Variants in KBTBD12 observed in about 807,000 individuals in gnomAD.
The protein encoded by KBTBD12 is kelch repeat and BTB domain-containing protein 12.
A neutral mutation model predicts 58.7 loss-of-function variants in KBTBD12; 53 were observed. The ratio of observed to expected loss-of-function variants is 0.90; its 90% CI spans 0.72 to 1.14. KBTBD12 has a LOEUF of 1.14. KBTBD12 is among the 50% of genes most tolerant of loss of function. The pLI, the probability that KBTBD12 is intolerant of heterozygous loss-of-function variation, is 0.00. For missense variants in KBTBD12, 704 were observed against 751.3 expected (o/e 0.94, Z 0.74); for synonymous variants, 236 against 259.8 (o/e 0.91, Z 0.88).
Position 127,923,205 on chromosome 3 carries a change from C to T in KBTBD12, c.144C>T (p.Val48=). ...AGAAATTTCCTTGCCACAGACTGGT[C>T]CTGGCTGCATTTAGCCCTTATTTCA... The part of the protein sequence containing the change: ...EGEKFPCHRL[V]LAAFSPYFKA... Residue 48 remains valine, a synonymous_variant, in exon 2 of 6, where the codon GTC becomes GTT. Transcript: ENST00000405109. The T allele has an allele frequency of 6.2e-7, 1 of 1,613,828 alleles. No homozygotes were observed. The highest frequency in any genetic ancestry group is 1.3e-5 in the African/African-American group (1 of 75,028).
Position 127,923,623 on chromosome 3 carries a change from A to G in KBTBD12, c.562A>G (p.Ile188Val). ...ACTTATTAAATCAGATGATCTTAAC[A>G]TATCCAGAGAAGAGAGCATTCTGGA... ...LTLIKSDDLN[I>V]SREESILDLV... The change falls in exon 2 of 6, where the codon ATA becomes GTA. Residue 188 changes from isoleucine (I) to valine (V), a missense_variant. By Grantham distance (29) the Ile-to-Val change is conservative. Coordinates refer to ENST00000405109, the MANE Select transcript of KBTBD12 (RefSeq NM_207335.4). The G allele has an allele frequency of 6.2e-7, 1 of 1,613,772 alleles. No homozygotes were observed. Among genetic ancestry groups the G allele is most frequent in the East Asian group, 2.2e-5 (1 of 44,874 alleles).
chr3:127,925,801 T>C (rs1939555521), intron 2 of KBTBD12, among the ~76,000 whole-genome samples: 1 of 152,214 alleles, frequency 6.6e-6, no homozygotes, highest in Non-Finnish European at 1.5e-5. Context: ...ATGTTCTGTG[T>C]AGTTAAAATC....
At chr3:127,968,617 T>C (rs956605078) in intron 5 of KBTBD12, among the ~76,000 whole-genome samples, 2 of 152,170 alleles carry the variant, frequency 1.3e-5, no homozygotes, top group African/African-American at 4.8e-5. Context: ...TGAAAATGAA[T>C]CAATGTGTGG....
chr3:127,948,656 G>T (rs530491370), intron 4 of KBTBD12, among the ~76,000 whole-genome samples: 16 of 152,170 alleles, frequency 1.1e-4, no homozygotes, highest in Non-Finnish European at 1.6e-4. Flanking sequence ...CCTCATGGTG[G>T]CAGTGAGAAT....
At chr3:127,983,623 T>C (rs13075235) in intron 5 of KBTBD12, among the ~76,000 whole-genome samples, 37,890 of 151,910 alleles carry the variant, frequency 0.25, 4,847 homozygotes, top group Admixed American at 0.31. Context: ...CATGGTGGCA[T>C]GTGCCTGTAA....
At chr3:127,949,721 G>T (rs1940164651) in intron 4 of KBTBD12, among the ~76,000 whole-genome samples, 1 of 152,208 alleles carries the variant, frequency 6.6e-6, no homozygotes, top group African/African-American at 2.4e-5. Flanking sequence ...CAGAATGGAT[G>T]AAATTTTGAA....
chr3:127,921,023 A>G (rs910424429), intron 1 of KBTBD12, among the ~76,000 whole-genome samples: 18 of 152,190 alleles, frequency 1.2e-4, no homozygotes, highest in African/African-American at 4.3e-4. Context: ...AGCTGTGTCT[A>G]TACCCACAGT....
intron 4 of KBTBD12, among the ~76,000 whole-genome samples, chr3:127,956,526 C>G (rs1940324265): frequency 6.6e-6 from 1 of 151,054 alleles, no homozygotes; most frequent in South Asian, 2.1e-4. Flanking sequence ...GAGTGGGTAT[C>G]CAAAATATAC....
At chr3:127,921,234 G>A (rs1009153212) in intron 1 of KBTBD12, among the ~76,000 whole-genome samples, 6 of 152,070 alleles carry the variant, frequency 3.9e-5, no homozygotes, top group African/African-American at 1.4e-4. Flanking sequence ...TAAGGAACGT[G>A]TTAATATTGC....
At chr3:127,926,642 G>A (rs748694854) in intron 2 of KBTBD12, among the ~76,000 whole-genome samples, 41 of 152,208 alleles carry the variant, frequency 2.7e-4, no homozygotes, top group Non-Finnish European at 5.4e-4. Context: ...TTAAGAGTTG[G>A]CCTAGACAAC....
intron 5 of KBTBD12, chr3:127,963,630 ACACACCTG>A: frequency 2.2e-6 from 1 of 457,910 alleles, no homozygotes; most frequent in Non-Finnish European, 3.9e-6. Context: ...ACCACCCTGA[ACACACCTG>A]GTCTCACCTG....
chr3:127,926,350 T>C (rs941283743), intron 2 of KBTBD12, among the ~76,000 whole-genome samples: 2 of 152,222 alleles, frequency 1.3e-5, no homozygotes, highest in Admixed American at 6.5e-5. Flanking sequence ...ATTTATATAT[T>C]AATTCAGTTG....
In KBTBD12 at chr3:127,945,578, G is replaced by A. The variant is rs1411172610; in HGVS notation, c.1492+15295G>A. ...TGAGCATCTTTTCATATGCTTGTTG[G>A]TTATTTGTATTTATTTTGAGAAAGG... On this transcript the variant is annotated intron_variant, in intron 4 of 5. Transcript: ENST00000405109. Among the ~76,000 whole-genome samples, 4 of 151,718 alleles carry A rather than the reference G, an allele frequency of 2.6e-5. No homozygotes were observed. In the East Asian group the frequency reaches 7.8e-4, roughly 29 times the overall value.
rs528893793 is a variant in KBTBD12 at position 127,936,877 on chromosome 3, A to T, written c.1492+6594A>T. 6.1e-3 allele frequency among the ~76,000 whole-genome samples: 932 copies of T among 152,294 alleles called. 10 individuals are homozygous for T. The highest frequency in any genetic ancestry group is 0.021 in the African/African-American group (880 of 41,556). ...AAAGTTACTGATGAAAGGCTCATAC[A>T]TCCCTGAGAAGTAATAATCATAAAT... is the stretch of plus-strand genomic sequence containing the variant. On this transcript the variant is annotated intron_variant, in intron 4 of 5. Transcript: ENST00000405109.
intron 1 of KBTBD12, among the ~76,000 whole-genome samples, chr3:127,916,719 A>C (rs1939251428): frequency 6.6e-6 from 1 of 152,102 alleles, no homozygotes; most frequent in African/African-American, 2.4e-5. Flanking sequence ...AAAAAAAAAA[A>C]AAACTGAGCA....
Position 127,923,878 on chromosome 3 carries a change from A to T in KBTBD12, c.817A>T (p.Thr273Ser). 6.2e-7 allele frequency: 1 copy of T among 1,613,922 alleles called. No individual in the cohort carries two copies. The highest frequency in any genetic ancestry group is 1.6e-4 in the Middle Eastern group (1 of 6,062). Reference sequence around the variant, plus strand: ...TCTAAATCTGCGCTATGGTATGGAGACTACCAGTCTTCTGCTTTGCATTGG... The same window carrying T: ...TCTAAATCTGCGCTATGGTATGGAGTCTACCAGTCTTCTGCTTTGCATTGG... ...HSLNLRYGME[T>S]TSLLLCIGNN... The change falls in exon 2 of 6, where the codon ACT becomes TCT. Residue 273 changes from threonine to serine, a missense_variant. Physicochemically the swap from Thr to Ser is moderately conservative, Grantham distance 58. Coordinates refer to ENST00000405109, the MANE Select transcript of KBTBD12 (RefSeq NM_207335.4).
At chr3:127,969,949 A>C (rs1940652515) in intron 5 of KBTBD12, among the ~76,000 whole-genome samples, 1 of 152,236 alleles carries the variant, frequency 6.6e-6, no homozygotes, top group South Asian at 2.1e-4. Context: ...AAAAAAAGAT[A>C]AATTGTACAT....
chr3:127,939,238 A>G (rs1237726419), intron 4 of KBTBD12, among the ~76,000 whole-genome samples: 1 of 152,192 alleles, frequency 6.6e-6, no homozygotes, highest in Non-Finnish European at 1.5e-5. Context: ...CTGCAGTTCC[A>G]AGAGGGTGTG....
rs1186661605 is a variant in KBTBD12, at chr3:127,976,426, C to T, written c.1691-7671C>T. 3.3e-5 allele frequency among the ~76,000 whole-genome samples: 5 copies of T among 152,088 alleles called. No homozygotes were observed. The East Asian group carries it at 5.8e-4, about 18-fold the overall frequency. On this transcript the variant is annotated intron_variant, in intron 5 of 5. Transcript: ENST00000405109. ...ACTTGTTTAATTAGCACAATTTCCCCGTTTTAGAATAAAATCTTCCTCTCT... is the reference window on the plus strand; with the variant it reads ...ACTTGTTTAATTAGCACAATTTCCCTGTTTTAGAATAAAATCTTCCTCTCT...
Sources: gnomAD v4.1 joint callset for allele counts (sites outside exome capture counted in the v4.1 genomes callset) on GRCh38, gnomAD v4.1.1 for gene constraint, MANE v1.5 for transcripts, NCBI Gene and HGNC (gene_info 2026-07-23, HGNC 2026-07-21) for gene names.